The following PALM2AKAP2 variants were observed in gnomAD, a reference collection of about 807,000 sequenced individuals.
PALM2AKAP2 encodes PALM2-AKAP2 fusion protein.
Under a neutral mutation model 71.5 loss-of-function variants are expected in PALM2AKAP2, and 37 were observed. The ratio of observed to expected loss-of-function variants is 0.52; its 90% CI spans 0.40 to 0.68. PALM2AKAP2 has a LOEUF of 0.68. Ranked by LOEUF, PALM2AKAP2 falls within the 30% of genes least tolerant of loss-of-function variation. PALM2AKAP2 has a pLI of 0.00. For synonymous variants in PALM2AKAP2, 468 were observed against 478.8 expected (o/e 0.98, Z 0.29); for missense variants, 1,224 against 1,191.8 (o/e 1.03, Z -0.40).
chr9:109,780,255 C>G (rs1292073123), upstream of PALM2AKAP2: 3 of 1,142,834 alleles, frequency 2.6e-6, no homozygotes, highest in East Asian at 8.5e-5. Flanking sequence ...ATGCAGTGAG[C>G]GGCGGCGCTG....
In PALM2AKAP2 at chr9:109,943,278, C is replaced by T. The variant is rs776106715; in HGVS notation, c.496+11250C>T. The T allele has an allele frequency of 1.7e-4, 271 of 1,614,110 alleles. No homozygotes were observed. The Middle Eastern group carries it at 1.8e-3, about 11-fold the overall frequency. On this transcript the variant is annotated intron_variant, in intron 6 of 9. Transcript: ENST00000302798. ...CAGTGACGGACGTGTCCACTATTGA[C>T]GGGAACGCGGCTGAGCTTGTGTCCG... is the stretch of plus-strand genomic sequence containing the variant.
intron 1 of PALM2AKAP2, among the ~76,000 whole-genome samples, chr9:109,821,046 G>C (rs936210214): frequency 6.6e-6 from 1 of 152,112 alleles, no homozygotes. Flanking sequence ...ATCTATTTTA[G>C]TCTTCTCAAT....
At chr9:109,734,193 A>C (rs1038125072) in intron 1 of PALM2AKAP2, among the ~76,000 whole-genome samples, 1 of 152,112 alleles carries the variant, frequency 6.6e-6, no homozygotes, top group Non-Finnish European at 1.5e-5. Context: ...TAGATCAATA[A>C]TCCTCTTCCT....
In PALM2AKAP2 at chr9:110,000,840, G is replaced by A. The variant is rs146638692; in HGVS notation, c.497-15114G>A. On this transcript the variant is annotated intron_variant, in intron 6 of 9. Coordinates refer to the PALM2AKAP2 transcript ENST00000302798. The stretch of plus-strand genomic sequence containing the variant: ...TGAGAAGTGTCTGTTCATATCCTTC[G>A]CCCACTTGTTGATGGGGTTGTTTGT... Among the ~76,000 whole-genome samples the A allele has an allele frequency of 5.7e-3, 873 of 152,190 alleles. 3 individuals carry two copies. Among genetic ancestry groups the A allele is most frequent in the African/African-American group, 0.013 (521 of 41,506 alleles).
At position 109,841,263 on chromosome 9, in the gene PALM2AKAP2, G is replaced by A. The variant is rs541488514; in HGVS notation, c.46-26228G>A. 7.2e-3 allele frequency among the ~76,000 whole-genome samples: 1,086 copies of A among 150,744 alleles called. 12 individuals are homozygous for A. The highest frequency in any genetic ancestry group is 0.011 in the Non-Finnish European group (747 of 67,750). On this transcript the variant is annotated intron_variant, in intron 1 of 9. Coordinates refer to the PALM2AKAP2 transcript ENST00000302798. ...CCATCATTCTCAGCAAACTATCGCA[G>A]GGACAAAAAACCAAACACCGCATGT...
chr9:109,704,944 G>A (rs1386761847), intron 1 of PALM2AKAP2, among the ~76,000 whole-genome samples: 1 of 152,178 alleles, frequency 6.6e-6, no homozygotes, highest in South Asian at 2.1e-4. Context: ...GTGTGAGAAC[G>A]TAGGTGTGGG....
intron 1 of PALM2AKAP2, among the ~76,000 whole-genome samples, chr9:109,774,375 G>GCTA (rs1829319933): frequency 1.3e-5 from 2 of 152,104 alleles, no homozygotes; most frequent in African/African-American, 2.4e-5. Flanking sequence ...CAATATGTAG[G>GCTA]CATGTAGCTC....
At chr9:109,852,757 T>C (rs1428683006) in intron 1 of PALM2AKAP2, among the ~76,000 whole-genome samples, 6 of 152,168 alleles carry the variant, frequency 3.9e-5, no homozygotes, top group African/African-American at 1.4e-4. Flanking sequence ...CTCATTGTGG[T>C]TTTGGTTTGC....
intron 1 of PALM2AKAP2, among the ~76,000 whole-genome samples, chr9:109,679,559 G>A (rs1263090948): frequency 2.0e-5 from 3 of 152,148 alleles, no homozygotes; most frequent in Non-Finnish European, 4.4e-5. Flanking sequence ...GGCTTCAGAT[G>A]CCTCTTGAGT....
chr9:109,966,372 G>A (rs533371421), intron 6 of PALM2AKAP2, among the ~76,000 whole-genome samples: 1 of 152,336 alleles, frequency 6.6e-6, no homozygotes, highest in African/African-American at 2.4e-5. Context: ...AGTGTTAAAT[G>A]TTTAGCAGAA....
At chr9:109,870,237 G>A (rs1829569902) in intron 2 of PALM2AKAP2, among the ~76,000 whole-genome samples, 1 of 152,166 alleles carries the variant, frequency 6.6e-6, no homozygotes, top group South Asian at 2.1e-4. Context: ...TGAGGAAAGG[G>A]TTGCCTGATT....
At chr9:109,725,618 T>C (rs1242535667) in intron 1 of PALM2AKAP2, among the ~76,000 whole-genome samples, 1 of 152,192 alleles carries the variant, frequency 6.6e-6, no homozygotes, top group African/African-American at 2.4e-5. Flanking sequence ...GGTTAAAGTA[T>C]GATATATTTG....
At chr9:109,767,844 A>G (rs1829179106) in intron 1 of PALM2AKAP2, among the ~76,000 whole-genome samples, 1 of 151,906 alleles carries the variant, frequency 6.6e-6, no homozygotes, top group South Asian at 2.1e-4. Flanking sequence ...AGGTGGAAAA[A>G]AGGCAGCTGA....
chr9:109,963,458 G>A (rs925704903), intron 6 of PALM2AKAP2, among the ~76,000 whole-genome samples: 1 of 152,188 alleles, frequency 6.6e-6, no homozygotes, highest in African/African-American at 2.4e-5. Flanking sequence ...TTAAAAGACT[G>A]CAAGATCTAG....
chr9:109,886,901 C>T (rs1400877052), intron 3 of PALM2AKAP2, among the ~76,000 whole-genome samples: 1 of 152,208 alleles, frequency 6.6e-6, no homozygotes, highest in Non-Finnish European at 1.5e-5. Flanking sequence ...TTCATCAGAA[C>T]AGCTGTCTGT....
intron 1 of PALM2AKAP2, 122 bp from the exon 8 acceptor site, chr9:110,136,005 C>G: frequency 7.9e-7 from 1 of 1,260,160 alleles, no homozygotes; most frequent in Non-Finnish European, 1.1e-6. Flanking sequence ...AATATCTATT[C>G]AAAAGAATTT....
intron 1 of PALM2AKAP2, among the ~76,000 whole-genome samples, chr9:109,691,911 CATATAT>C (rs1228934218): frequency 3.3e-5 from 2 of 60,120 alleles, no homozygotes; most frequent in African/African-American, 1.4e-4. Flanking sequence ...TACACACACA[CATATAT>C]ATATATACAC....
At chr9:110,097,449 T>C in intron 1 of PALM2AKAP2, among the ~76,000 whole-genome samples, 1 of 151,946 alleles carries the variant, frequency 6.6e-6, no homozygotes, top group East Asian at 1.9e-4. Context: ...TCATGGCCCG[T>C]TCTCAATGAG....
chr9:109,729,173 C>T (rs1162528817), intron 1 of PALM2AKAP2, among the ~76,000 whole-genome samples: 1 of 152,116 alleles, frequency 6.6e-6, no homozygotes, highest in Non-Finnish European at 1.5e-5. Flanking sequence ...TTGATAAGCT[C>T]TCCAGAGAGT....
Sources: allele counts gnomAD v4.1 joint callset (sites outside exome capture counted in the v4.1 genomes callset), GRCh38; gene constraint gnomAD v4.1.1; transcripts MANE v1.5; gene names NCBI Gene and HGNC (gene_info 2026-07-23, HGNC 2026-07-21).